The following ARHGEF26 variants were observed in gnomAD, a reference collection of about 807,000 sequenced individuals.
ARHGEF26 encodes the protein Rho guanine nucleotide exchange factor 26.
Under a neutral mutation model 89.4 loss-of-function variants are expected in ARHGEF26, and 59 were observed. That is an observed-to-expected ratio of 0.66 (90% confidence interval 0.54 to 0.82). ARHGEF26 has a LOEUF of 0.82. Ranked by LOEUF, ARHGEF26 falls within the 40% of genes least tolerant of loss-of-function variation. The pLI is 0.00. For synonymous variants in ARHGEF26, 500 were observed against 428.4 expected (o/e 1.17, Z -2.06); for missense variants, 1,234 against 1,085.6 (o/e 1.14, Z -1.92).
chr3:154,221,911 A>G (rs1027091768), intron 10 of ARHGEF26, among the ~76,000 whole-genome samples: 12 of 152,180 alleles, frequency 7.9e-5, no homozygotes, highest in Admixed American at 5.9e-4. Context: ...AATGAGTTCT[A>G]TTTTGGCCAT....
chr3:154,246,727 G>A (rs1022389822), intron 12 of ARHGEF26, among the ~76,000 whole-genome samples: 5 of 152,146 alleles, frequency 3.3e-5, no homozygotes, highest in African/African-American at 7.2e-5. Flanking sequence ...GGGGAGTCCC[G>A]ATGTTGGCTT....
At chr3:154,174,520 G>A (rs1712678056) in intron 6 of ARHGEF26, among the ~76,000 whole-genome samples, 1 of 152,092 alleles carries the variant, frequency 6.6e-6, no homozygotes, top group African/African-American at 2.4e-5. Context: ...GGGGTTGGAG[G>A]GAAGAAGGGA....
At chr3:154,216,526 A>G (rs1176165710) in intron 9 of ARHGEF26, among the ~76,000 whole-genome samples, 10 of 124,606 alleles carry the variant, frequency 8.0e-5, no homozygotes, top group African/African-American at 3.0e-4. Flanking sequence ...TTTTATGTCT[A>G]TACAAAATAT....
intron 12 of ARHGEF26, among the ~76,000 whole-genome samples, chr3:154,244,103 C>T (rs1559924136): frequency 2.0e-5 from 3 of 152,070 alleles, no homozygotes; most frequent in Non-Finnish European, 4.4e-5. Flanking sequence ...GTTTGCACTA[C>T]CATTCTAGCC....
At chr3:154,128,458 C>T (rs762173929) in intron 3 of ARHGEF26, among the ~76,000 whole-genome samples, 12 of 152,078 alleles carry the variant, frequency 7.9e-5, no homozygotes, top group East Asian at 1.9e-4. Context: ...AGGCTGGTCT[C>T]GAACTCCTGA....
chr3:154,143,659 T>C (rs1719520423), intron 4 of ARHGEF26, among the ~76,000 whole-genome samples: 1 of 152,252 alleles, frequency 6.6e-6, no homozygotes, highest in Non-Finnish European at 1.5e-5. Context: ...TGAAAGCTGC[T>C]TAACTTTACC....
In ARHGEF26 at chr3:154,200,971, GAT is replaced by G. The variant is rs1449669456; in HGVS notation, c.1845+6255_1845+6256del. On this transcript the variant is annotated intron_variant, in intron 9 of 14. Coordinates refer to ENST00000465093, the MANE Select transcript of ARHGEF26 (RefSeq NM_015595.4). ...CAACTTTACTGAATTTGTTTATTCT[GAT>G]AGTTTTTATTTTGTGGAGATCAAAT... Among the ~76,000 whole-genome samples, 13 of 150,692 alleles carry G rather than the reference GAT, an allele frequency of 8.6e-5. 1 individual carries two copies. The highest frequency in any genetic ancestry group is 6.8e-3 in the Middle Eastern group (2 of 294).
At chr3:154,172,390 C>T (rs1036808299) in intron 6 of ARHGEF26, among the ~76,000 whole-genome samples, 1 of 152,178 alleles carries the variant, frequency 6.6e-6, no homozygotes, top group Admixed American at 6.5e-5. Context: ...TAAAGACAGG[C>T]CAGCCTAGGC....
intron 6 of ARHGEF26, among the ~76,000 whole-genome samples, chr3:154,157,724 T>A (rs1280427826): frequency 1.3e-5 from 2 of 152,030 alleles, no homozygotes; most frequent in African/African-American, 4.8e-5. Flanking sequence ...TTCTACCTGG[T>A]TGACTATCAT....
At chr3:154,248,841 T>C (rs751255124) in intron 12 of ARHGEF26, among the ~76,000 whole-genome samples, 17 of 152,226 alleles carry the variant, frequency 1.1e-4, no homozygotes, top group Admixed American at 2.6e-4. Context: ...TGAACTGATA[T>C]CTAGTTTTTT....
intron 11 of ARHGEF26, among the ~76,000 whole-genome samples, chr3:154,227,166 A>G (rs530557099): frequency 4.8e-4 from 73 of 152,362 alleles, no homozygotes; most frequent in African/African-American, 1.7e-3. Flanking sequence ...TAATGTGACA[A>G]TGATACATAC....
At chr3:154,147,874 C>T (rs1719792273) in intron 4 of ARHGEF26, among the ~76,000 whole-genome samples, 6 of 152,064 alleles carry the variant, frequency 3.9e-5, no homozygotes, top group Admixed American at 3.9e-4. Context: ...TCATTCTCCC[C>T]TGATTGTCTC....
chr3:154,218,503 A>G (rs979434062), intron 10 of ARHGEF26, among the ~76,000 whole-genome samples: 2 of 152,248 alleles, frequency 1.3e-5, no homozygotes, highest in African/African-American at 2.4e-5. Context: ...AAAAGAAGAA[A>G]ATGACAGCTA....
intron 10 of ARHGEF26, among the ~76,000 whole-genome samples, chr3:154,222,938 T>C (rs1716228981): frequency 6.6e-6 from 1 of 151,926 alleles, no homozygotes; most frequent in African/African-American, 2.4e-5. Context: ...GGAAAGAAAA[T>C]GATGGTTGTA....
In ARHGEF26 at chr3:154,240,578, C is replaced by T. The variant is rs898690677; in HGVS notation, c.2299C>T (p.Gln767Ter). ...KVEMLLGAET[Q>*]SERARWITAL... ...GGAGATGCTACTAGGAGCTGAGACG[C>T]AGTAAGTATATGTGGGGAAAAGATT... is the stretch of plus-strand genomic sequence containing the variant. Residue 767 changes from glutamine (Q) to a stop codon, truncating the protein, a stop_gained and splice_region_variant, in exon 12 of 15, where the codon CAG becomes TAG. Coordinates refer to ENST00000465093, the MANE Select transcript of ARHGEF26 (RefSeq NM_015595.4). LOFTEE classifies it high-confidence loss of function. 6.2e-7 allele frequency: 1 copy of T among 1,604,846 alleles called. No homozygotes were observed. Among genetic ancestry groups the T allele is most frequent in the Non-Finnish European group, 8.5e-7 (1 of 1,175,356 alleles).
At chr3:154,235,997 A>C (rs1175931028) in intron 11 of ARHGEF26, among the ~76,000 whole-genome samples, 2 of 152,208 alleles carry the variant, frequency 1.3e-5, no homozygotes, top group African/African-American at 4.8e-5. Flanking sequence ...GAAAATTCTA[A>C]CCTTTATAGA....
chr3:154,125,971 T>A (rs1206392209), intron 3 of ARHGEF26, among the ~76,000 whole-genome samples: 1 of 152,164 alleles, frequency 6.6e-6, no homozygotes, highest in Non-Finnish European at 1.5e-5. Context: ...ACCCTTAATA[T>A]CACAGGGACC....
intron 6 of ARHGEF26, among the ~76,000 whole-genome samples, chr3:154,164,079 T>C (rs780407741): frequency 6.6e-6 from 1 of 152,176 alleles, no homozygotes; most frequent in Non-Finnish European, 1.5e-5. Context: ...AAAAAATCTG[T>C]TTTCAAAATA....
chr3:154,124,085 A>C (rs1718170923), intron 2 of ARHGEF26, among the ~76,000 whole-genome samples: 1 of 152,202 alleles, frequency 6.6e-6, no homozygotes, highest in South Asian at 2.1e-4. Flanking sequence ...CCAACTCTGC[A>C]AGTATAGCAA....
Sources: allele counts gnomAD v4.1 joint callset (sites outside exome capture counted in the v4.1 genomes callset), GRCh38; gene constraint gnomAD v4.1.1; transcripts MANE v1.5; gene names NCBI Gene and HGNC (gene_info 2026-07-23, HGNC 2026-07-21).